IKZF5: variants seen among roughly 807,000 people sequenced by gnomAD.
IKZF5 encodes IKAROS family zinc finger 5, also known as zinc finger protein Pegasus.
Under a neutral mutation model 30.7 loss-of-function variants are expected in IKZF5, and 4 were observed. The observed-to-expected ratio is 0.13, with a 90% CI of 0.06 to 0.30. The LOEUF (loss-of-function observed/expected upper bound fraction) is 0.30. Among genes scored for constraint, IKZF5 ranks in the 10% least tolerant of loss-of-function variants. The pLI, the probability that IKZF5 is intolerant of heterozygous loss-of-function variation, is 1.00. For missense variants in IKZF5, 348 were observed against 525.5 expected (o/e 0.66, Z 3.30); for synonymous variants, 148 against 179.6 (o/e 0.82, Z 1.41).
rs1450339711 is a variant in IKZF5, at chr10:122,992,988, C to T, written c.*792G>A. 1.3e-5 allele frequency: 2 copies of T among 152,524 alleles called. No homozygotes were observed. The highest frequency in any genetic ancestry group is 3.9e-4 in the East Asian group (2 of 5,186). The allele number at this position is 152,524 out of a possible 1,614,324, so 9.4% of individuals were successfully genotyped here. ...AGGAATAGGAAGAATAAGAGATTCT[C>T]ATTATAGTTATCCACCTCACCTAAC... is the stretch of plus-strand genomic sequence containing the variant. On this transcript the variant is annotated 3_prime_UTR_variant, in exon 5 of 5. Transcript: ENST00000368886.
chr10:123,002,773 G>A (rs1849635555), intron 2 of IKZF5, among the ~76,000 whole-genome samples: 1 of 139,662 alleles, frequency 7.2e-6, no homozygotes, highest in African/African-American at 2.7e-5. Flanking sequence ...GGAAGACAGA[G>A]CAAGACTCCG....
chr10:122,998,675 A>T lies in IKZF5; in HGVS notation c.-46-4T>A. On this transcript the variant is annotated splice_polypyrimidine_tract_variant and splice_region_variant and intron_variant, in intron 2 of 4. Coordinates refer to ENST00000368886, the MANE Select transcript of IKZF5 (RefSeq NM_001372123.1). Reference sequence around the variant, plus strand: ...TTGTTAGACCTAGAAAACAAAACTGAAACAATTTTACACTATTTAGGGAGA... The same window carrying T: ...TTGTTAGACCTAGAAAACAAAACTGTAACAATTTTACACTATTTAGGGAGA... The T allele has an allele frequency of 6.5e-7, 1 of 1,550,276 alleles. No individual in the cohort carries two copies. Among genetic ancestry groups the T allele is most frequent in the South Asian group, 1.1e-5 (1 of 87,538 alleles).
chr10:123,004,786 A>C (rs900813392), intron 2 of IKZF5, among the ~76,000 whole-genome samples: 2 of 152,154 alleles, frequency 1.3e-5, no homozygotes, highest in Non-Finnish European at 2.9e-5. Flanking sequence ...TTCGTCCCTA[A>C]GCATTTTTGT....
chr10:123,007,658 A>G (rs1849853816), intron 1 of IKZF5, among the ~76,000 whole-genome samples: 1 of 152,190 alleles, frequency 6.6e-6, no homozygotes, highest in South Asian at 2.1e-4. Flanking sequence ...TTATCCTATC[A>G]TAACACAAAA....
rs1409999237 is a variant in IKZF5, at chr10:122,994,828, G to T, written c.317-105C>A. ...ACTGGAAATTGATCAAAAAGAAAAT[G>T]CTTTCAGAAAGTCATATTTGCATAG... is the stretch of plus-strand genomic sequence containing the variant. On this transcript the variant is annotated intron_variant, in intron 4 of 4. Transcript: ENST00000368886. The surrounding 1 kb of genome is among the most constrained non-coding windows in gnomAD (Gnocchi z 5.6). 3 of 912,068 alleles carry T rather than the reference G, an allele frequency of 3.3e-6. No homozygotes were observed. Among genetic ancestry groups the T allele is most frequent in the Non-Finnish European group, 1.7e-6 (1 of 604,086 alleles). The allele number at this position is 912,068 out of a possible 1,614,324, so 56.5% of individuals were successfully genotyped here. A position where few individuals can be genotyped will look rare whatever the true frequency, so the allele number is the denominator to read the frequency against.
chr10:122,996,524 T>C (rs963849935), intron 3 of IKZF5, among the ~76,000 whole-genome samples: 9 of 136,908 alleles, frequency 6.6e-5, no homozygotes, highest in Non-Finnish European at 1.4e-4. Flanking sequence ...ACCCTGTCTC[T>C]ACTTAAAAAA....
In IKZF5 at chr10:122,994,096, G is replaced by A; in HGVS notation, c.944C>T (p.Pro315Leu). ...GTTCCTTTGACTATGGGATGGCCGA[G>A]GTTCTGGGCTTGTGGGAGAGGAGCT... ...PQSSSPTSPE[P>L]RPSHSQRNYS... is the part of the protein sequence containing the mutation. Residue 315 changes from proline (P) to leucine (L), a missense_variant, in exon 5 of 5, where the codon CCT (proline) becomes CTT (leucine). Transcript: ENST00000368886. This position sits in a 1 kb window ranked among gnomAD's most constrained non-coding sequence, Gnocchi z 5.6. 1 of 1,614,160 alleles carries A rather than the reference G, an allele frequency of 6.2e-7. No individual in the cohort carries two copies. The highest frequency in any genetic ancestry group is 8.5e-7 in the Non-Finnish European group (1 of 1,180,040).
chr10:123,008,573 A>G, intron 1 of IKZF5, 121 bp downstream of exon 1: 1 of 274,106 alleles, frequency 3.6e-6, no homozygotes. Flanking sequence ...CCTCCACTGA[A>G]CTGAGTCTCC....
intron 3 of IKZF5, chr10:122,997,201 T>C (rs1849406945): frequency 6.6e-6 from 1 of 152,218 alleles, no homozygotes; most frequent in African/African-American, 2.4e-5. Flanking sequence ...TTGAATCCTG[T>C]TTGGAAATCT....
Position 122,993,825 on chromosome 10 carries a change from A to G in IKZF5, c.1215T>C (p.Tyr405=). The G allele has an allele frequency of 6.2e-7, 1 of 1,611,360 alleles. No individual in the cohort carries two copies. The highest frequency in any genetic ancestry group is 2.2e-5 in the East Asian group (1 of 44,822). ...CTCTTGCAAAATGACAGGCAAAATC[A>G]TACTTGTTTTTACATTTGCATCCAC... ...NICGCKCKNK[Y]DFACHFARGQ... The change falls in exon 5 of 5, where the codon TAT becomes TAC. Residue 405 remains tyrosine (Y), a synonymous_variant. Coordinates refer to ENST00000368886, the MANE Select transcript of IKZF5 (RefSeq NM_001372123.1).
At position 122,996,162 on chromosome 10, in the gene IKZF5, C is replaced by T. The variant is rs1290369110; in HGVS notation, c.148G>A (p.Asp50Asn). The change falls in exon 4 of 5, where the codon GAT (aspartate) becomes AAT (asparagine). Residue 50 changes from aspartate (D) to asparagine (N), a missense_variant. Asp to Asn is a conservative substitution (Grantham distance 23). Transcript: ENST00000368886. Reference sequence around the variant, plus strand: ...GATGGGTGATCAAGTCCATTTTGATCACCATCTGTTCCAGCTATAAACAAA... The same window carrying T: ...GATGGGTGATCAAGTCCATTTTGATTACCATCTGTTCCAGCTATAAACAAA... ...EALQGAGTDG[D>N]QNGLDHPSVE... 1 of 1,613,310 alleles carries T rather than the reference C, an allele frequency of 6.2e-7. No individual in the cohort carries two copies. Among genetic ancestry groups the T allele is most frequent in the Middle Eastern group, 1.6e-4 (1 of 6,062 alleles).
At chr10:123,008,228 C>A (rs1401432017) in intron 1 of IKZF5, among the ~76,000 whole-genome samples, 1 of 152,216 alleles carries the variant, frequency 6.6e-6, no homozygotes, top group Non-Finnish European at 1.5e-5. Context: ...CTTCTCCCAA[C>A]AATCAGCCTG....
Position 122,994,963 on chromosome 10 carries a change from A to G in IKZF5, c.317-240T>C. Reference sequence around the variant, plus strand: ...TTGATGTTGTATTAGTCAATACAGTATAAAAACTGTTATGGCTTCGAATGC... The same window carrying G: ...TTGATGTTGTATTAGTCAATACAGTGTAAAAACTGTTATGGCTTCGAATGC... On this transcript the variant is annotated intron_variant, in intron 4 of 4. Coordinates refer to ENST00000368886, the MANE Select transcript of IKZF5 (RefSeq NM_001372123.1). This position sits in a 1 kb window ranked among gnomAD's most constrained non-coding sequence, Gnocchi z 5.6. 1 of 455,068 alleles carries G rather than the reference A, an allele frequency of 2.2e-6. No homozygotes were observed. 28.2% of individuals were successfully genotyped at this position (455,068 alleles called of 1,614,324 possible). A position where few individuals can be genotyped will look rare whatever the true frequency, so the allele number is the denominator to read the frequency against.
chr10:122,991,065 A>C lies in IKZF5; in HGVS notation c.*2715T>G, dbSNP rs1264098730. 6.6e-6 allele frequency: 1 copy of C among 152,102 alleles called. No individual in the cohort carries two copies. The highest frequency in any genetic ancestry group is 1.5e-5 in the Non-Finnish European group (1 of 68,008). 9.4% of individuals were successfully genotyped at this position (152,102 alleles called of 1,614,324 possible). A position where few individuals can be genotyped will look rare whatever the true frequency, so the allele number is the denominator to read the frequency against. On this transcript the variant is annotated 3_prime_UTR_variant, in exon 5 of 5. Transcript: ENST00000368886. The stretch of plus-strand genomic sequence containing the variant: ...AAACGTCTTTAGCAGGGAATTAAAA[A>C]AAAATTAACATTCATTTGATAAATA...
At chr10:123,001,975 T>C (rs1026987214) in intron 2 of IKZF5, among the ~76,000 whole-genome samples, 4 of 152,236 alleles carry the variant, frequency 2.6e-5, no homozygotes, top group Non-Finnish European at 5.9e-5. Flanking sequence ...ACCATTAATA[T>C]GAATTATTGT....
rs751984305 is a variant in IKZF5 at position 122,994,336 on chromosome 10, G to A, written c.704C>T (p.Pro235Leu). 6.2e-6 allele frequency: 10 copies of A among 1,614,044 alleles called. No individual in the cohort carries two copies. The South Asian group carries it at 1.1e-4, about 18-fold the overall frequency. Reference protein sequence around the residue: ...DSYESMAKTTPTGGLPRDPQE... With the variant: ...DSYESMAKTTLTGGLPRDPQE... The stretch of plus-strand genomic sequence containing the variant: ...GGGGTCCCTTGGAAGGCCACCAGTT[G>A]GTGTGGTTTTTGCCATACTTTCATA... The change falls in exon 5 of 5, where the codon CCA becomes CTA. Residue 235 changes from proline (P) to leucine (L), a missense_variant. Pro to Leu is a moderately conservative substitution (Grantham distance 98, BLOSUM62 -3). Transcript: ENST00000368886. This position sits in a 1 kb window ranked among gnomAD's most constrained non-coding sequence, Gnocchi z 5.6.
chr10:123,001,962 C>T (rs1361891630), intron 2 of IKZF5, among the ~76,000 whole-genome samples: 1 of 152,242 alleles, frequency 6.6e-6, no homozygotes, highest in Non-Finnish European at 1.5e-5. Context: ...CAACATTTGA[C>T]ATACCATTAA....
chr10:123,000,403 G>T (rs1849540260), intron 2 of IKZF5, among the ~76,000 whole-genome samples: 1 of 152,188 alleles, frequency 6.6e-6, no homozygotes, highest in Non-Finnish European at 1.5e-5. Context: ...TGCAACTGAA[G>T]TTTGCTCAAA....
rs1734908909 is a variant in IKZF5, at chr10:122,991,371, T to G, written c.*2409A>C. 1 of 152,220 alleles carries G rather than the reference T, an allele frequency of 6.6e-6. No homozygotes were observed. The highest frequency in any genetic ancestry group is 2.4e-5 in the African/African-American group (1 of 41,462). The allele number at this position is 152,220 out of a possible 1,614,324, so 9.4% of individuals were successfully genotyped here. ...GTGGAGATAAATTATCTACCAACTT[T>G]AAAAATCTAAACTTATGTTCACTGA... is the stretch of plus-strand genomic sequence containing the variant. On this transcript the variant is annotated 3_prime_UTR_variant, in exon 5 of 5. Coordinates refer to ENST00000368886, the MANE Select transcript of IKZF5 (RefSeq NM_001372123.1).
Sources: allele counts gnomAD v4.1 joint callset (sites outside exome capture counted in the v4.1 genomes callset), GRCh38; gene constraint gnomAD v4.1.1; non-coding constraint Gnocchi (gnomAD v3.1); transcripts MANE v1.5; gene names NCBI Gene and HGNC (gene_info 2026-07-23, HGNC 2026-07-21).